ATPAF1: variants seen among roughly 807,000 people sequenced by gnomAD.
The protein encoded by ATPAF1 is homolog of yeast ATP11.
Under a neutral mutation model 43.9 loss-of-function variants are expected in ATPAF1, and 26 were observed. That is an observed-to-expected ratio of 0.59 (90% confidence interval 0.43 to 0.82). ATPAF1 has a LOEUF of 0.82. Among genes scored for constraint, ATPAF1 ranks in the 40% least tolerant of loss-of-function variants. ATPAF1 has a pLI of 0.00. For missense variants in ATPAF1, 366 were observed against 435.0 expected (o/e 0.84, Z 1.41); for synonymous variants, 157 against 168.0 (o/e 0.93, Z 0.50).
chr1:46,633,778 C>T (rs986490364), downstream of ATPAF1: 27 of 456,138 alleles, frequency 5.9e-5, no homozygotes, highest in Middle Eastern at 1.9e-3. Context: ...TTTCCTCACC[C>T]GCTGGTGGAG....
chr1:46,661,361 C>T (rs1676383603), intron 2 of ATPAF1, among the ~76,000 whole-genome samples: 1 of 152,138 alleles, frequency 6.6e-6, no homozygotes, highest in African/African-American at 2.4e-5. Context: ...CATGTGTGAG[C>T]CACTGCACCC....
At chr1:46,663,680 C>G (rs936410581) in intron 2 of ATPAF1, among the ~76,000 whole-genome samples, 1 of 151,896 alleles carries the variant, frequency 6.6e-6, no homozygotes, top group Non-Finnish European at 1.5e-5. Flanking sequence ...TGGATATTAG[C>G]CCTTTGTCAG....
At chr1:46,656,981 G>C (rs1208374938) in intron 4 of ATPAF1, among the ~76,000 whole-genome samples, 1 of 152,164 alleles carries the variant, frequency 6.6e-6, no homozygotes, top group East Asian at 1.9e-4. Flanking sequence ...AAATGATACA[G>C]CATACAAAGG....
At chr1:46,643,373 C>G in intron 7 of ATPAF1, 72 bp from the exon 8 acceptor site, 1 of 1,242,476 alleles carries the variant, frequency 8.0e-7, no homozygotes, top group Non-Finnish European at 1.1e-6. Flanking sequence ...AAGCAATAGA[C>G]AGTCTAGAGG....
intron 6 of ATPAF1, among the ~76,000 whole-genome samples, chr1:46,649,298 C>A (rs1192841582): frequency 6.6e-6 from 1 of 151,786 alleles, no homozygotes; most frequent in African/African-American, 2.4e-5. Context: ...AAAGATTATC[C>A]TTTCTCTAAT....
Position 46,635,734 on chromosome 1 carries a change from C to G in ATPAF1, c.*42G>C, listed in dbSNP as rs747099474. 3.2e-6 allele frequency: 5 copies of G among 1,568,702 alleles called. No homozygotes were observed. In the South Asian group the frequency reaches 5.9e-5, roughly 18 times the overall value. Reference sequence around the variant, plus strand: ...GAGGAGGGGGTGGGCTCTAGACTATCGAGGGCTGAGTCAACTAGGTGAAGG... The same window carrying G: ...GAGGAGGGGGTGGGCTCTAGACTATGGAGGGCTGAGTCAACTAGGTGAAGG... On this transcript the variant is annotated 3_prime_UTR_variant, in exon 9 of 9. Coordinates refer to ENST00000574428, the Ensembl canonical transcript of ATPAF1.
At position 46,668,297 on chromosome 1, in the gene ATPAF1, GC is replaced by G; in HGVS notation, c.25del (p.Ala9ArgfsTer126). 1 of 1,380,590 alleles carries G rather than the reference GC, an allele frequency of 7.2e-7. No homozygotes were observed. Among genetic ancestry groups the G allele is most frequent in the South Asian group, 1.6e-5 (1 of 63,822 alleles). 85.5% of individuals were successfully genotyped at this position (1,380,590 alleles called of 1,614,324 possible). On this transcript the variant is annotated frameshift_variant, in exon 1 of 9. Transcript: ENST00000574428. LOFTEE classifies it high-confidence loss of function. This position sits in a 1 kb window ranked among gnomAD's most constrained non-coding sequence, Gnocchi z 4.4. ...CAGGACCGCCGGTCCCGCGCCACCC[GC>G]AGCCGCCACCACCACAGCAGCCATG...
intron 8 of ATPAF1, among the ~76,000 whole-genome samples, chr1:46,640,963 T>C (rs750012823): frequency 1.3e-5 from 2 of 152,226 alleles, no homozygotes; most frequent in Non-Finnish European, 2.9e-5. Flanking sequence ...TGCTGTCATA[T>C]TCCTGGTAAA....
intron 2 of ATPAF1, chr1:46,663,899 A>G (rs866220595): frequency 5.5e-6 from 7 of 1,284,346 alleles, no homozygotes; most frequent in Middle Eastern, 2.1e-4. Flanking sequence ...GGCCTCTCCT[A>G]CACCAGTTTG....
intron 8 of ATPAF1, among the ~76,000 whole-genome samples, chr1:46,640,830 TC>T (rs1185415869): frequency 2.0e-5 from 3 of 152,222 alleles, no homozygotes; most frequent in Non-Finnish European, 2.9e-5. Flanking sequence ...CCAACATTTT[TC>T]CAACCTTGCT....
chr1:46,656,815 C>CTT (rs1367652745), intron 4 of ATPAF1, among the ~76,000 whole-genome samples: 1 of 152,226 alleles, frequency 6.6e-6, no homozygotes, highest in Non-Finnish European at 1.5e-5. Flanking sequence ...CTCCCTGACA[C>CTT]TTTGCATATG....
At chr1:46,667,074 C>A (rs1490119470) in intron 1 of ATPAF1, among the ~76,000 whole-genome samples, 1 of 152,168 alleles carries the variant, frequency 6.6e-6, no homozygotes, top group East Asian at 1.9e-4. Flanking sequence ...CAAAAATACT[C>A]ATTCATTTAC....
chr1:46,640,663 A>C (rs568287535), intron 8 of ATPAF1, among the ~76,000 whole-genome samples: 11 of 124,320 alleles, frequency 8.8e-5, no homozygotes, highest in South Asian at 2.6e-4. Context: ...AACAAACAAA[A>C]AAAGAGTTTT....
Position 46,643,708 on chromosome 1 carries a change from A to G in ATPAF1, c.685-407T>C, listed in dbSNP as rs1310452797. Among the ~76,000 whole-genome samples, 4 of 152,218 alleles carry G rather than the reference A, an allele frequency of 2.6e-5. No individual in the cohort carries two copies. The East Asian group carries it at 7.7e-4, about 29-fold the overall frequency. On this transcript the variant is annotated intron_variant, in intron 7 of 8. Transcript: ENST00000574428. The stretch of plus-strand genomic sequence containing the variant: ...ATCTACTCCCCTTGGCTGGCTCTGA[A>G]GACTGAGCTCTTTTAAGCTGTAGCA...
At chr1:46,665,079 C>T (rs909552210) in intron 2 of ATPAF1, 177 bp downstream of exon 2, 8 of 622,772 alleles carry the variant, frequency 1.3e-5, no homozygotes, top group African/African-American at 3.7e-5. Flanking sequence ...ACCATGACCA[C>T]AGTACTTTGC....
chr1:46,657,884 G>A (rs913703067), intron 4 of ATPAF1, among the ~76,000 whole-genome samples: 1 of 152,130 alleles, frequency 6.6e-6, no homozygotes, highest in African/African-American at 2.4e-5. Context: ...TACTGATGAG[G>A]GTTACACGAG....
At chr1:46,633,305 G>C (rs1276551156), downstream of ATPAF1, 1 of 168,264 alleles carries the variant, frequency 5.9e-6, no homozygotes, top group African/African-American at 2.4e-5. Context: ...TCTTTAATGA[G>C]GGGCAAGGGA....
chr1:46,661,104 A>G (rs3011290), intron 2 of ATPAF1, among the ~76,000 whole-genome samples: 20,935 of 149,222 alleles, frequency 0.14, 3,756 homozygotes, highest in African/African-American at 0.4. Context: ...ACAGAGTCTC[A>G]CTCTGTCGCC....
At chr1:46,651,624 A>T (rs1436958368) in intron 6 of ATPAF1, among the ~76,000 whole-genome samples, 8 of 152,016 alleles carry the variant, frequency 5.3e-5, no homozygotes. Context: ...CAACAGTGTA[A>T]AAGTGTTCCT....
Sources: gnomAD v4.1 joint callset for allele counts (sites outside exome capture counted in the v4.1 genomes callset) on GRCh38, gnomAD v4.1.1 for gene constraint, Gnocchi (gnomAD v3.1) non-coding constraint, MANE v1.5 for transcripts, NCBI Gene and HGNC (gene_info 2026-07-23, HGNC 2026-07-21) for gene names.